Variants in ZBTB20 observed in about 807,000 individuals in gnomAD.
The protein encoded by ZBTB20 is zinc finger and BTB domain-containing protein 20.
In ZBTB20, 9 loss-of-function variants were observed where a neutral mutation model predicts 56.9. The ratio of observed to expected loss-of-function variants is 0.16; its 90% CI spans 0.10 to 0.28. The LOEUF (loss-of-function observed/expected upper bound fraction) is 0.28, where lower values mean the gene tolerates loss of function less well. ZBTB20 is among the 10% of genes least tolerant of loss of function. The probability of loss-of-function intolerance (pLI) is 1.00; values close to 1 mark genes in which losing one functional copy is unlikely to be tolerated. For synonymous variants in ZBTB20, 417 were observed against 420.7 expected, an observed-to-expected ratio of 0.99 and a Z score of 0.11; for missense variants, 655 against 1,003.0, an observed-to-expected ratio of 0.65 and a Z score of 4.69.
intron 1 of ZBTB20, among the ~76,000 whole-genome samples, chr3:115,133,771 C>T (rs576581248): frequency 2.6e-5 from 4 of 152,294 alleles, no homozygotes. Context: ...TTTATTCCTT[C>T]ATTCAGCAGT....
chr3:114,718,257 T>C (rs981292241), intron 5 of ZBTB20, among the ~76,000 whole-genome samples: 35 of 152,134 alleles, frequency 2.3e-4, no homozygotes, highest in African/African-American at 8.2e-4. Context: ...TGGCAAGAAG[T>C]AAATACGAAA....
At chr3:115,124,893 C>T (rs1030558551) in intron 1 of ZBTB20, among the ~76,000 whole-genome samples, 1 of 151,626 alleles carries the variant, frequency 6.6e-6, no homozygotes. Flanking sequence ...TGTATGAGAA[C>T]ATAAAAATTA....
chr3:114,423,701 T>G (rs180959256), intron 7 of ZBTB20, among the ~76,000 whole-genome samples: 1 of 152,314 alleles, frequency 6.6e-6, no homozygotes, highest in African/African-American at 2.4e-5. Flanking sequence ...AATCCTCATA[T>G]GAAATACTCT....
At chr3:115,076,894 A>G (rs913900880) in intron 1 of ZBTB20, among the ~76,000 whole-genome samples, 1 of 152,186 alleles carries the variant, frequency 6.6e-6, no homozygotes, top group Non-Finnish European at 1.5e-5. Context: ...CTCAAGCATT[A>G]GTTAGAGCCT....
At chr3:114,637,049 T>C (rs2059318118) in intron 6 of ZBTB20, among the ~76,000 whole-genome samples, 1 of 152,046 alleles carries the variant, frequency 6.6e-6, no homozygotes, top group South Asian at 2.1e-4. Flanking sequence ...TCTTATATCA[T>C]ACAAAATAGA....
At chr3:114,982,149 G>T (rs2078356053) in intron 2 of ZBTB20, among the ~76,000 whole-genome samples, 1 of 152,058 alleles carries the variant, frequency 6.6e-6, no homozygotes, top group Middle Eastern at 3.4e-3. Context: ...GTTTTCATGG[G>T]ATAAATATGT....
chr3:114,489,677 A>G (rs2042517562), intron 7 of ZBTB20, among the ~76,000 whole-genome samples: 1 of 152,134 alleles, frequency 6.6e-6, no homozygotes, highest in East Asian at 1.9e-4. Context: ...TTTACTCTAT[A>G]CTTTCTAAAT....
intron 6 of ZBTB20, among the ~76,000 whole-genome samples, chr3:114,677,633 C>T (rs968833873): frequency 2.0e-5 from 3 of 152,126 alleles, no homozygotes; most frequent in African/African-American, 7.2e-5. Context: ...ACGTTGGTGG[C>T]TGCTGGCCCA....
At chr3:114,560,030 CA>C (rs2051806377) in intron 6 of ZBTB20, among the ~76,000 whole-genome samples, 1 of 152,064 alleles carries the variant, frequency 6.6e-6, no homozygotes. Context: ...AAATGTAGGT[CA>C]AATTTTATAT....
chr3:114,553,688 T>C (rs746475405), intron 6 of ZBTB20, among the ~76,000 whole-genome samples: 6 of 152,170 alleles, frequency 3.9e-5, no homozygotes, highest in Non-Finnish European at 8.8e-5. Context: ...ATTTTATTTC[T>C]AGAGAAGTAA....
chr3:114,500,512 GGT>G (rs1214238257), intron 6 of ZBTB20, 121 bp from the exon 7 acceptor site: 1 of 152,168 alleles, frequency 6.6e-6, no homozygotes, highest in African/African-American at 2.4e-5. Flanking sequence ...AGATGGGACT[GGT>G]TGTTCCTAAA....
At chr3:114,780,511 C>T (rs942910010) in intron 5 of ZBTB20, among the ~76,000 whole-genome samples, 5 of 152,018 alleles carry the variant, frequency 3.3e-5, no homozygotes, top group East Asian at 1.9e-4. Context: ...TTTTTTGAGA[C>T]GGAGTCTCGT....
chr3:114,738,509 G>T (rs1425588117), intron 5 of ZBTB20, among the ~76,000 whole-genome samples: 1 of 152,130 alleles, frequency 6.6e-6, no homozygotes, highest in African/African-American at 2.4e-5. Flanking sequence ...TAATGGGGAT[G>T]CTTCTTGCTT....
intron 2 of ZBTB20, among the ~76,000 whole-genome samples, chr3:114,995,838 T>C (rs2079005059): frequency 6.6e-6 from 1 of 151,886 alleles, no homozygotes; most frequent in African/African-American, 2.4e-5. Flanking sequence ...TACATTGAAT[T>C]AACTGATGAT....
At chr3:114,556,703 C>G (rs1029833747) in intron 6 of ZBTB20, among the ~76,000 whole-genome samples, 2 of 152,010 alleles carry the variant, frequency 1.3e-5, no homozygotes, top group African/African-American at 4.8e-5. Flanking sequence ...GCCAACCTAA[C>G]TATACTTTTG....
At chr3:114,372,638 G>A (rs1213085756) in intron 10 of ZBTB20, among the ~76,000 whole-genome samples, 1 of 151,940 alleles carries the variant, frequency 6.6e-6, no homozygotes, top group Non-Finnish European at 1.5e-5. Flanking sequence ...GACCAGCCTG[G>A]GCAACATGAT....
In ZBTB20 at chr3:114,730,431, C is replaced by T. The variant is rs537982099; in HGVS notation, c.-342-36856G>A. ...TGTGGATATTAGGCAATGTTATGGGCTGATTGTGTCCCCTAAAATACATAG... is the reference window on the plus strand; with the variant it reads ...TGTGGATATTAGGCAATGTTATGGGTTGATTGTGTCCCCTAAAATACATAG... On this transcript the variant is annotated intron_variant, in intron 5 of 11. Coordinates refer to ENST00000675478, the MANE Select transcript of ZBTB20 (RefSeq NM_001348800.3). 1.4e-4 allele frequency among the ~76,000 whole-genome samples: 22 copies of T among 152,232 alleles called. No individual in the cohort carries two copies. The South Asian group carries it at 4.4e-3, about 30-fold the overall frequency.
At position 114,319,234 on chromosome 3, in the gene ZBTB20, T is replaced by C. The variant is rs1336955445; in HGVS notation, c.*19771A>G. On this transcript the variant is annotated 3_prime_UTR_variant, in exon 12 of 12. Transcript: ENST00000675478. ...AAATGCATTCAAAAATAGAAAATAT[T>C]ACACAACAAAAATATGTATCCTTCC... The C allele has an allele frequency of 6.6e-6, 1 of 151,956 alleles. No homozygotes were observed. Among genetic ancestry groups the C allele is most frequent in the Non-Finnish European group, 1.5e-5 (1 of 68,010 alleles). 9.4% of individuals were successfully genotyped at this position (151,956 alleles called of 1,614,324 possible).
chr3:115,084,765 G>A (rs911153804), intron 1 of ZBTB20, among the ~76,000 whole-genome samples: 27 of 151,850 alleles, frequency 1.8e-4, no homozygotes, highest in South Asian at 4.1e-4. Flanking sequence ...GACCAAGACC[G>A]AACTAGCAAA....
Sources: gnomAD v4.1 joint callset for allele counts (sites outside exome capture counted in the v4.1 genomes callset) on GRCh38, gnomAD v4.1.1 for gene constraint, MANE v1.5 for transcripts, NCBI Gene and HGNC (gene_info 2026-07-23, HGNC 2026-07-21) for gene names.